IFIH1: variants seen among roughly 807,000 people sequenced by gnomAD.
The protein encoded by IFIH1 is interferon-induced helicase C domain-containing protein 1.
A neutral mutation model predicts 107.4 loss-of-function variants in IFIH1; 125 were observed. The ratio of observed to expected loss-of-function variants is 1.16; its 90% CI spans 1.01 to 1.35. The LOEUF is 1.35. Among genes scored for constraint, IFIH1 ranks in the 40% most tolerant of loss-of-function variants. The pLI, the probability that IFIH1 is intolerant of heterozygous loss-of-function variation, is 0.00. For synonymous variants in IFIH1, 458 were observed against 413.2 expected, an observed-to-expected ratio of 1.11 and a Z score of -1.31; for missense variants, 1,333 against 1,213.7, an observed-to-expected ratio of 1.10 and a Z score of -1.46.
At chr2:162,315,789 C>A (rs1041611863) in intron 1 of IFIH1, among the ~76,000 whole-genome samples, 1 of 152,146 alleles carries the variant, frequency 6.6e-6, no homozygotes, top group Non-Finnish European at 1.5e-5. Context: ...ATTATTCTAC[C>A]AAACTTAATG....
At chr2:162,283,934 C>G (rs1415196050) in intron 5 of IFIH1, among the ~76,000 whole-genome samples, 1 of 150,436 alleles carries the variant, frequency 6.6e-6, no homozygotes, top group Non-Finnish European at 1.5e-5. Flanking sequence ...TACCTTACCA[C>G]AAGGTGGAAA....
intron 3 of IFIH1, among the ~76,000 whole-genome samples, chr2:162,297,994 A>G (rs913711564): frequency 1.3e-5 from 2 of 152,228 alleles, no homozygotes; most frequent in African/African-American, 4.8e-5. Context: ...GACCTTAAAT[A>G]CTTTAAAATA....
chr2:162,315,810 A>T (rs752293188), intron 1 of IFIH1, among the ~76,000 whole-genome samples: 3 of 152,196 alleles, frequency 2.0e-5, no homozygotes, highest in African/African-American at 2.4e-5. Flanking sequence ...CTTCCGTCTC[A>T]TTGTCCACCA....
At chr2:162,302,155 G>A (rs961869370) in intron 3 of IFIH1, among the ~76,000 whole-genome samples, 4 of 151,998 alleles carry the variant, frequency 2.6e-5, no homozygotes, top group Non-Finnish European at 5.9e-5. Flanking sequence ...GTTTCAAGGT[G>A]GGCCACTGTT....
At chr2:162,273,128 A>T (rs1020161265) in intron 12 of IFIH1, among the ~76,000 whole-genome samples, 5 of 152,162 alleles carry the variant, frequency 3.3e-5, no homozygotes, top group Admixed American at 3.3e-4. Context: ...AATTTAAGTT[A>T]TTTAAAAATC....
chr2:162,276,923 GC>G lies in IFIH1; in HGVS notation c.2067del (p.Arg689SerfsTer13), dbSNP rs1682679835. ...LFFENNKMLKRLAENPEYENE... is the reference protein window; with the variant it reads ...LFFENNKMLKXLAENPEYENE... ...TTTTCATATTCTGGGTTTTCAGCCA[GC>G]CTTTTCAACATTTTATTGTTTTCTT... On this transcript the variant is annotated frameshift_variant, in exon 11 of 16. Coordinates refer to ENST00000649979, the MANE Select transcript of IFIH1 (RefSeq NM_022168.4). LOFTEE classifies it high-confidence loss of function. 1 of 1,605,146 alleles carries G rather than the reference GC, an allele frequency of 6.2e-7. No homozygotes were observed.
intron 3 of IFIH1, among the ~76,000 whole-genome samples, chr2:162,296,842 C>T (rs1036171681): frequency 1.3e-5 from 2 of 152,038 alleles, no homozygotes; most frequent in Non-Finnish European, 2.9e-5. Flanking sequence ...AAAAAGAACA[C>T]CTCTGTTCTC....
In IFIH1 at chr2:162,304,124, T is replaced by C. The variant is rs534762432; in HGVS notation, c.769+2585A>G. Among the ~76,000 whole-genome samples the C allele has an allele frequency of 4.6e-5, 7 of 152,270 alleles. No homozygotes were observed. The East Asian group carries it at 7.7e-4, about 17-fold the overall frequency. ...AACTATCCTGTATAAGCTTTGCTAT[T>C]AGCAGCAGCAGCAGCACCAGAGTTT... On this transcript the variant is annotated intron_variant, in intron 3 of 15. Transcript: ENST00000649979.
At chr2:162,313,911 G>T (rs1576240493) in intron 1 of IFIH1, among the ~76,000 whole-genome samples, 1 of 152,102 alleles carries the variant, frequency 6.6e-6, no homozygotes, top group Non-Finnish European at 1.5e-5. Context: ...TCAACTTCAT[G>T]TTGGGAGAAC....
chr2:162,293,646 T>G lies in IFIH1; in HGVS notation c.792A>C (p.Glu264Asp). 1 of 1,610,742 alleles carries G rather than the reference T, an allele frequency of 6.2e-7. No individual in the cohort carries two copies. Residue 264 changes from glutamate to aspartate, a missense_variant, in exon 4 of 16, where the codon GAA (glutamate) becomes GAC (aspartate). Coordinates refer to ENST00000649979, the MANE Select transcript of IFIH1 (RefSeq NM_022168.4). ...TTTCATCTAAGCAGCTGACACTTCCTTCTGCCAAACTTGTGTCTGATTCTG... is the reference window on the plus strand; with the variant it reads ...TTTCATCTAAGCAGCTGACACTTCCGTCTGCCAAACTTGTGTCTGATTCTG... ...VVSESDTSLAEGSVSCLDESL... is the reference protein window; with the variant it reads ...VVSESDTSLADGSVSCLDESL...
chr2:162,308,607 A>G (rs1683331840), intron 2 of IFIH1, among the ~76,000 whole-genome samples: 1 of 152,046 alleles, frequency 6.6e-6, no homozygotes, highest in Non-Finnish European at 1.5e-5. Flanking sequence ...CAAACTCCTG[A>G]CCTCAGGTGA....
intron 3 of IFIH1, among the ~76,000 whole-genome samples, chr2:162,303,888 T>A (rs1404424874): frequency 2.0e-5 from 3 of 152,184 alleles, no homozygotes; most frequent in African/African-American, 7.2e-5. Context: ...CAGGGTCATC[T>A]CTCAGCAGTA....
At position 162,268,206 on chromosome 2, in the gene IFIH1, G is replaced by T. The variant is rs946205846; in HGVS notation, c.2688C>A (p.Tyr896Ter). The T allele has an allele frequency of 1.2e-6, 2 of 1,612,498 alleles. No individual in the cohort carries two copies. Among genetic ancestry groups the T allele is most frequent in the Non-Finnish European group, 8.5e-7 (1 of 1,178,730 alleles). ...MKTKRNIAKHYKNNPSLITFL... is the reference protein window; with the variant it reads ...MKTKRNIAKH ...AAGTTATTAGTGATGGGTTATTCTT[G>T]TAATGCTTGGCAATATTTCTCTTGG... The change falls in exon 14 of 16, where the codon TAC (tyrosine) becomes TAA (stop). Residue 896 changes from tyrosine to a stop codon, truncating the protein, a stop_gained. Transcript: ENST00000649979. LOFTEE classifies it high-confidence loss of function.
intron 10 of IFIH1, 112 bp downstream of exon 10, chr2:162,277,303 G>A (rs1264454798): frequency 1.2e-5 from 9 of 754,250 alleles, no homozygotes; most frequent in African/African-American, 1.8e-5. Context: ...CAATCTGAGT[G>A]GGATTTCTTC....
Position 162,273,887 on chromosome 2 carries a change from C to T in IFIH1, c.2362G>A (p.Ala788Thr), listed in dbSNP as rs148369169. 3.9e-4 allele frequency: 635 copies of T among 1,609,668 alleles called. No individual in the cohort carries two copies. In the African/African-American group the frequency reaches 6.2e-3, roughly 16 times the overall value. ...AGACCTTCTTCTGCCACTGTGGTAG[C>T]GATAAGCAGATTTATTTTTCCAGTG... ...FRTGKINLLI[A>T]TTVAEEGLDI... is the part of the protein sequence containing the mutation. The change falls in exon 12 of 16, where the codon GCT becomes ACT. Residue 788 changes from alanine to threonine, a missense_variant. Coordinates refer to ENST00000649979, the MANE Select transcript of IFIH1 (RefSeq NM_022168.4).
rs587777445 is a variant in IFIH1 at position 162,276,832 on chromosome 2, C to T, written c.2159G>A (p.Arg720Gln). 6.2e-7 allele frequency: 1 copy of T among 1,613,890 alleles called. No individual in the cohort carries two copies. The highest frequency in any genetic ancestry group is 8.5e-7 in the Non-Finnish European group (1 of 1,179,876). The change falls in exon 11 of 16, where the codon CGA becomes CAA. Residue 720 changes from arginine to glutamine, a missense_variant. Arg to Gln is a conservative substitution (Grantham distance 43, BLOSUM62 1). Transcript: ENST00000649979. Reference sequence around the variant, plus strand: ...TCGTGTTTTTGTAAAGATTATTCCTCGTGCTGATTCCTCAGTCCTAGTATA... The same window carrying T: ...TCGTGTTTTTGTAAAGATTATTCCTTGTGCTGATTCCTCAGTCCTAGTATA... ...EQYTRTEESARGIIFTKTRQS... is the reference protein window; with the variant it reads ...EQYTRTEESAQGIIFTKTRQS...
At chr2:162,273,117 C>G (rs553978737) in intron 12 of IFIH1, among the ~76,000 whole-genome samples, 28 of 152,128 alleles carry the variant, frequency 1.8e-4, no homozygotes, top group South Asian at 2.1e-4. Context: ...TTCAAGGATG[C>G]AATTTAAGTT....
At chr2:162,275,935 GT>G (rs1330277287) in intron 11 of IFIH1, among the ~76,000 whole-genome samples, 2 of 152,090 alleles carry the variant, frequency 1.3e-5, no homozygotes, top group South Asian at 2.1e-4. Flanking sequence ...AAATTCTTTA[GT>G]TTTTTCAAGT....
At chr2:162,314,416 T>TTTCTTTCCTTTCTTTC (rs71009355) in intron 1 of IFIH1, among the ~76,000 whole-genome samples, 37 of 51,468 alleles carry the variant, frequency 7.2e-4, no homozygotes, top group East Asian at 3.2e-3. Context: ...TCTTTCTTTC[T>TTTCTTTCCTTTCTTTC]TTTCTTTCTT....
Sources: gnomAD v4.1 joint callset for allele counts (sites outside exome capture counted in the v4.1 genomes callset) on GRCh38, gnomAD v4.1.1 for gene constraint, MANE v1.5 for transcripts, NCBI Gene and HGNC (gene_info 2026-07-23, HGNC 2026-07-21) for gene names.